CTXND1: variants seen among roughly 807,000 people sequenced by gnomAD.
CTXND1 encodes the protein cortexin domain-containing 1 protein.
chr15:80,250,906 A>G lies in CTXND1; in HGVS notation c.-218+1101T>C, dbSNP rs1368067285. On this transcript the variant is annotated intron_variant, in intron 1 of 2. Coordinates refer to ENST00000560778, the MANE Select transcript of CTXND1 (RefSeq NM_001352888.2). ...GTGGCTTAATGAGGGTGAGGGAAGT[A>G]TAGAAGACTTCAACTCCAGACCCTC... 5.3e-5 allele frequency among the ~76,000 whole-genome samples: 8 copies of G among 152,218 alleles called. No homozygotes were observed. The East Asian group carries it at 1.5e-3, about 29-fold the overall frequency.
Position 80,245,133 on chromosome 15 carries a change from G to T in CTXND1, c.-218+6874C>A, listed in dbSNP as rs750368. Among the ~76,000 whole-genome samples the T allele has an allele frequency of 2.9e-3, 439 of 152,268 alleles. 1 individual carries two copies. Among genetic ancestry groups the T allele is most frequent in the African/African-American group, 0.01 (416 of 41,552 alleles). On this transcript the variant is annotated intron_variant, in intron 1 of 2. Transcript: ENST00000560778. ...GAGGACAGTATTACACAGAGGGATC[G>T]TAAGACTAACACCAGCGGCTATCGT... is the stretch of plus-strand genomic sequence containing the variant.
chr15:80,228,612 G>T (rs1185999360), intron 1 of CTXND1, among the ~76,000 whole-genome samples: 1 of 149,068 alleles, frequency 6.7e-6, no homozygotes, highest in Non-Finnish European at 1.5e-5. Flanking sequence ...AGATTCAAAC[G>T]CTGAAATGCT....
intron 1 of CTXND1, among the ~76,000 whole-genome samples, chr15:80,213,417 T>C (rs1893221199): frequency 6.6e-6 from 1 of 152,054 alleles, no homozygotes; most frequent in African/African-American, 2.4e-5. Context: ...CGTGCAGATG[T>C]GATTAAGTTA....
intron 1 of CTXND1, among the ~76,000 whole-genome samples, chr15:80,214,698 A>C (rs527706978): frequency 2.6e-5 from 4 of 152,360 alleles, no homozygotes; most frequent in Admixed American, 2.6e-4. Context: ...AATTAAATGT[A>C]GTGAAACAAG....
chr15:80,245,332 G>A (rs934206828), intron 1 of CTXND1, among the ~76,000 whole-genome samples: 2 of 152,138 alleles, frequency 1.3e-5, no homozygotes, highest in Non-Finnish European at 2.9e-5. Flanking sequence ...CACTGTTCCC[G>A]AAGAGACAGT....
chr15:80,212,668 CTCTGG>C (rs1893213401), intron 1 of CTXND1, among the ~76,000 whole-genome samples: 1 of 152,304 alleles, frequency 6.6e-6, no homozygotes, highest in Admixed American at 6.5e-5. Context: ...TTGGAAAACT[CTCTGG>C]TCTGAAGGAC....
Position 80,222,817 on chromosome 15 carries a change from G to T in CTXND1, c.-217-19077C>A, listed in dbSNP as rs932978797. ...ACTAAATCTGCCATAGTATTTCCTT[G>T]AGTGTGTTTTTCTTTTACAATGGAT... On this transcript the variant is annotated intron_variant, in intron 1 of 2. Transcript: ENST00000560778. Among the ~76,000 whole-genome samples, 12 of 151,722 alleles carry T rather than the reference G, an allele frequency of 7.9e-5. No individual in the cohort carries two copies. The East Asian group carries it at 2.3e-3, about 29-fold the overall frequency.
chr15:80,212,366 C>T (rs1489350714), intron 1 of CTXND1, among the ~76,000 whole-genome samples: 1 of 152,140 alleles, frequency 6.6e-6, no homozygotes, highest in Non-Finnish European at 1.5e-5. Context: ...CTTTTAAATT[C>T]AAGATATCAA....
chr15:80,203,265 TTCTG>T (rs1893107701), intron 2 of CTXND1, among the ~76,000 whole-genome samples: 4 of 152,134 alleles, frequency 2.6e-5, no homozygotes, highest in Non-Finnish European at 5.9e-5. Flanking sequence ...GTGCTTCGTG[TTCTG>T]TCTGTTATTT....
rs1314515331 is a variant in CTXND1 at position 80,198,026 on chromosome 15, G to T, written c.*3744C>A. ...CTACTATACATATCCACCTGTCTGAGCATCCTTAGAGGCCACATTTCTTCT... is the reference window on the plus strand; with the variant it reads ...CTACTATACATATCCACCTGTCTGATCATCCTTAGAGGCCACATTTCTTCT... On this transcript the variant is annotated 3_prime_UTR_variant, in exon 3 of 3. Coordinates refer to ENST00000560778, the MANE Select transcript of CTXND1 (RefSeq NM_001352888.2). 2 of 152,202 alleles carry T rather than the reference G, an allele frequency of 1.3e-5. No homozygotes were observed. The highest frequency in any genetic ancestry group is 4.8e-5 in the African/African-American group (2 of 41,442). The allele number at this position is 152,202 out of a possible 1,614,324, so 9.4% of individuals were successfully genotyped here. A position where few individuals can be genotyped will look rare whatever the true frequency, so the allele number is the denominator to read the frequency against.
At chr15:80,223,327 G>T (rs1051078041) in intron 1 of CTXND1, among the ~76,000 whole-genome samples, 2 of 152,178 alleles carry the variant, frequency 1.3e-5, no homozygotes, top group Non-Finnish European at 2.9e-5. Flanking sequence ...AAAGTGTTGG[G>T]ATTATAGGCC....
intron 1 of CTXND1, among the ~76,000 whole-genome samples, chr15:80,241,032 G>T (rs563718273): frequency 2.3e-4 from 35 of 152,336 alleles, no homozygotes; most frequent in African/African-American, 8.4e-4. Context: ...CCTTAAACTG[G>T]CATGTGATAC....
intron 1 of CTXND1, among the ~76,000 whole-genome samples, chr15:80,231,351 T>C (rs1048378417): frequency 6.6e-6 from 1 of 151,538 alleles, no homozygotes; most frequent in Non-Finnish European, 1.5e-5. Context: ...CTCTCTCTCT[T>C]TTACCATCAT....
At chr15:80,241,075 T>C (rs1893560129) in intron 1 of CTXND1, among the ~76,000 whole-genome samples, 1 of 152,164 alleles carries the variant, frequency 6.6e-6, no homozygotes, top group Non-Finnish European at 1.5e-5. Context: ...ACCCTCACCT[T>C]CCCTTGTGAA....
Position 80,216,956 on chromosome 15 carries a change from G to A in CTXND1, c.-217-13216C>T, listed in dbSNP as rs570626456. Among the ~76,000 whole-genome samples, 113 of 152,184 alleles carry A rather than the reference G, an allele frequency of 7.4e-4. 4 individuals are homozygous for A. In the South Asian group the frequency reaches 0.023, roughly 31 times the overall value. On this transcript the variant is annotated intron_variant, in intron 1 of 2. Transcript: ENST00000560778. ...AGTTTGATGGACTAAGGCTCAGATA[G>A]GGCAAATGATTTGATCAAAGATTCT...
chr15:80,249,299 C>T (rs148374169), intron 1 of CTXND1, among the ~76,000 whole-genome samples: 282 of 152,278 alleles, frequency 1.9e-3, no homozygotes, highest in African/African-American at 6.2e-3. Context: ...TTTTCCATCA[C>T]GCCATCCTAA....
chr15:80,207,157 G>T (rs1166385993), intron 1 of CTXND1, among the ~76,000 whole-genome samples: 1 of 151,890 alleles, frequency 6.6e-6, no homozygotes, highest in Non-Finnish European at 1.5e-5. Context: ...CTTGATGTCA[G>T]CTTCTGAAAA....
intron 1 of CTXND1, among the ~76,000 whole-genome samples, chr15:80,223,657 A>G (rs955966874): frequency 6.6e-6 from 1 of 152,144 alleles, no homozygotes; most frequent in South Asian, 2.1e-4. Flanking sequence ...TGGATGGACA[A>G]ATTGACACTC....
In CTXND1 at chr15:80,252,064, G is replaced by C. The variant is rs1893703337; in HGVS notation, c.-275C>G. 6.6e-6 allele frequency: 1 copy of C among 151,630 alleles called. No homozygotes were observed. Among genetic ancestry groups the C allele is most frequent in the Admixed American group, 6.6e-5 (1 of 15,196 alleles). 9.4% of individuals were successfully genotyped at this position (151,630 alleles called of 1,614,324 possible). ...CCTGGCTGGGCCGGCGCCGAGCCCA[G>C]GGCGACCGCGGATCGCCGGCTACGG... On this transcript the variant is annotated 5_prime_UTR_variant, in exon 1 of 3. Coordinates refer to ENST00000560778, the MANE Select transcript of CTXND1 (RefSeq NM_001352888.2).
Sources: allele counts gnomAD v4.1 joint callset (sites outside exome capture counted in the v4.1 genomes callset), GRCh38; gene constraint gnomAD v4.1.1; transcripts MANE v1.5; gene names NCBI Gene and HGNC (gene_info 2026-07-23, HGNC 2026-07-21).